Variants in PRMT3 observed in about 807,000 individuals in gnomAD.
PRMT3 encodes the protein protein arginine N-methyltransferase 3.
In PRMT3, 62 loss-of-function variants were observed where a neutral mutation model predicts 71.9. That is an observed-to-expected ratio of 0.86 (90% confidence interval 0.70 to 1.07). The LOEUF (loss-of-function observed/expected upper bound fraction) is 1.07, where lower values mean the gene tolerates loss of function less well. PRMT3 is among the 50% of genes least tolerant of loss of function. PRMT3 has a pLI of 0.00. For synonymous variants in PRMT3, 213 were observed against 220.4 expected (o/e 0.97, Z 0.30); for missense variants, 663 against 643.0 (o/e 1.03, Z -0.34).
chr11:20,403,508 C>T (rs1848995521), intron 8 of PRMT3, among the ~76,000 whole-genome samples: 1 of 151,998 alleles, frequency 6.6e-6, no homozygotes, highest in Non-Finnish European at 1.5e-5. Flanking sequence ...AATATTGGCT[C>T]AAGTTATTTA....
intron 15 of PRMT3, among the ~76,000 whole-genome samples, chr11:20,499,520 A>C (rs1340343180): frequency 6.6e-6 from 1 of 152,172 alleles, no homozygotes; most frequent in East Asian, 1.9e-4. Context: ...TGAGCTACAC[A>C]GGAGGCTGAG....
intron 9 of PRMT3, among the ~76,000 whole-genome samples, chr11:20,421,264 T>C (rs1849419338): frequency 6.6e-6 from 1 of 152,126 alleles, no homozygotes; most frequent in East Asian, 1.9e-4. Context: ...TCTTGAACTC[T>C]TGGGCTCAAG....
At chr11:20,459,044 T>G (rs1850327229) in intron 11 of PRMT3, among the ~76,000 whole-genome samples, 1 of 152,160 alleles carries the variant, frequency 6.6e-6, no homozygotes, top group East Asian at 1.9e-4. Context: ...CCATATAGCC[T>G]CTGTCCCAAC....
chr11:20,504,752 G>A (rs1247310717), intron 15 of PRMT3, among the ~76,000 whole-genome samples: 1 of 151,028 alleles, frequency 6.6e-6, no homozygotes, highest in African/African-American at 2.4e-5. Flanking sequence ...GAGAGCGAGA[G>A]CGACTGAGAC....
chr11:20,430,333 T>C (rs7121685), intron 10 of PRMT3, among the ~76,000 whole-genome samples: 125,838 of 152,082 alleles, frequency 0.83, 53,770 homozygotes, highest in Non-Finnish European at 0.95. Context: ...AGAAATCATA[T>C]AGCAGAGATG....
chr11:20,482,090 C>G (rs761220880), intron 13 of PRMT3, among the ~76,000 whole-genome samples: 7 of 151,976 alleles, frequency 4.6e-5, no homozygotes, highest in Non-Finnish European at 8.8e-5. Context: ...AATGAGGAAC[C>G]CTGCAGTTGA....
intron 13 of PRMT3, among the ~76,000 whole-genome samples, chr11:20,482,944 A>T (rs141590309): frequency 1.3e-5 from 2 of 152,038 alleles, no homozygotes; most frequent in African/African-American, 4.8e-5. Context: ...TTCCCACTCT[A>T]TATATCAGGT....
chr11:20,487,965 T>A (rs1287533951), intron 13 of PRMT3, among the ~76,000 whole-genome samples: 1 of 152,224 alleles, frequency 6.6e-6, no homozygotes, highest in East Asian at 1.9e-4. Context: ...AAAGTATTTT[T>A]AAAAATATTT....
At chr11:20,487,495 T>C (rs185195947) in intron 13 of PRMT3, among the ~76,000 whole-genome samples, 8 of 152,194 alleles carry the variant, frequency 5.3e-5, no homozygotes, top group Admixed American at 1.3e-4. Context: ...ATAGGAAAAA[T>C]GAATCTTTGC....
chr11:20,429,879 G>A (rs539610980), intron 10 of PRMT3, among the ~76,000 whole-genome samples: 371 of 152,134 alleles, frequency 2.4e-3, no homozygotes, highest in Non-Finnish European at 4.3e-3. Context: ...TCATCTTTGT[G>A]GATTGGAAAT....
At chr11:20,453,295 A>G (rs538340637) in intron 11 of PRMT3, among the ~76,000 whole-genome samples, 21 of 150,782 alleles carry the variant, frequency 1.4e-4, no homozygotes, top group Admixed American at 3.3e-4. Context: ...AGCCTGACCA[A>G]TATAGTGAAA....
chr11:20,394,350 A>G (rs1848779499), intron 5 of PRMT3, among the ~76,000 whole-genome samples: 1 of 152,224 alleles, frequency 6.6e-6, no homozygotes, highest in South Asian at 2.1e-4. Context: ...AATATCAGCA[A>G]TAAGACTTTA....
chr11:20,499,401 C>T (rs968673274), intron 15 of PRMT3, among the ~76,000 whole-genome samples: 2 of 152,090 alleles, frequency 1.3e-5, no homozygotes, highest in Middle Eastern at 3.2e-3. Flanking sequence ...GCAGCAGGAT[C>T]GCTGAGGCCA....
intron 10 of PRMT3, among the ~76,000 whole-genome samples, chr11:20,446,499 A>C (rs1260573558): frequency 6.6e-6 from 1 of 152,068 alleles, no homozygotes; most frequent in Non-Finnish European, 1.5e-5. Context: ...ACATAGTCAA[A>C]TGTATTGGTC....
At chr11:20,496,657 AT>A (rs1215482897) in intron 15 of PRMT3, among the ~76,000 whole-genome samples, 10 of 151,822 alleles carry the variant, frequency 6.6e-5, no homozygotes, top group Admixed American at 2.6e-4. Context: ...TAAAAGACAT[AT>A]AAAGGAAAAC....
intron 10 of PRMT3, among the ~76,000 whole-genome samples, chr11:20,427,753 T>TATGTCAAAATGTAA (rs1849578760): frequency 6.6e-6 from 1 of 152,154 alleles, no homozygotes; most frequent in African/African-American, 2.4e-5. Context: ...TGACAGCTGA[T>TATGTCAAAATGTAA]TTGACTTACT....
At chr11:20,403,305 T>G (rs11025551) in intron 8 of PRMT3, among the ~76,000 whole-genome samples, 12,934 of 152,264 alleles carry the variant, frequency 0.085, 751 homozygotes, top group East Asian at 0.2. Context: ...CCCATGAATT[T>G]TAAATGTATC....
At chr11:20,404,598 C>G (rs1849032350) in intron 8 of PRMT3, among the ~76,000 whole-genome samples, 1 of 152,158 alleles carries the variant, frequency 6.6e-6, no homozygotes, top group Admixed American at 6.5e-5. Flanking sequence ...AAAAACCACT[C>G]TGTTTCCAGT....
At chr11:20,391,868 A>G (rs1848722836) in intron 3 of PRMT3, among the ~76,000 whole-genome samples, 1 of 152,212 alleles carries the variant, frequency 6.6e-6, no homozygotes, top group South Asian at 2.1e-4. Context: ...GGGATTTAAT[A>G]CTTTCAGCTC....
Sources: allele counts gnomAD v4.1 joint callset (sites outside exome capture counted in the v4.1 genomes callset), GRCh38; gene constraint gnomAD v4.1.1; transcripts MANE v1.5; gene names NCBI Gene and HGNC (gene_info 2026-07-23, HGNC 2026-07-21).